RBBP4: variants seen among roughly 807,000 people sequenced by gnomAD.
RBBP4 encodes RB binding protein 4, chromatin remodeling factor.
A neutral mutation model predicts 57.2 loss-of-function variants in RBBP4; 3 were observed. The ratio of observed to expected loss-of-function variants is 0.05; its 90% CI spans 0.02 to 0.14. The LOEUF (loss-of-function observed/expected upper bound fraction) is 0.14, where lower values mean the gene tolerates loss of function less well. Ranked by LOEUF, RBBP4 falls within the 10% of genes least tolerant of loss-of-function variation. RBBP4 has a pLI of 1.00. For missense variants in RBBP4, 107 were observed against 520.6 expected (o/e 0.21, Z 7.73); for synonymous variants, 151 against 171.5 (o/e 0.88, Z 0.93).
chr1:32,671,167 T>C (rs181854413), intron 8 of RBBP4, among the ~76,000 whole-genome samples: 99 of 152,342 alleles, frequency 6.5e-4, no homozygotes, highest in African/African-American at 2.2e-3. Flanking sequence ...ATCAGACTTA[T>C]ATGTAATACA....
At position 32,683,662 on chromosome 1, in the gene RBBP4, C is replaced by A. The variant is rs1649602403; in HGVS notation, c.*3957C>A. 5.8e-6 allele frequency: 1 copy of A among 172,902 alleles called. No individual in the cohort carries two copies. Among genetic ancestry groups the A allele is most frequent in the South Asian group, 1.7e-4 (1 of 6,060 alleles). 10.7% of individuals were successfully genotyped at this position (172,902 alleles called of 1,614,324 possible). A position where few individuals can be genotyped will look rare whatever the true frequency, so the allele number is the denominator to read the frequency against. ...GGTTTTTGTTTTGTTTTGAGGCAGTCTCACTCTGTTGTACAAGCTGGAGTG... is the reference window on the plus strand; with the variant it reads ...GGTTTTTGTTTTGTTTTGAGGCAGTATCACTCTGTTGTACAAGCTGGAGTG... On this transcript the variant is annotated 3_prime_UTR_variant, in exon 12 of 12. Transcript: ENST00000373493.
intron 1 of RBBP4, 29 bp downstream of exon 1, chr1:32,651,351 G>A: frequency 6.9e-7 from 1 of 1,440,138 alleles, no homozygotes; most frequent in Non-Finnish European, 9.1e-7. Flanking sequence ...ACCCAGGAGG[G>A]CAGTGGGTGC....
At position 32,683,990 on chromosome 1, in the gene RBBP4, C is replaced by A; in HGVS notation, c.*4285C>A. On this transcript the variant is annotated 3_prime_UTR_variant, in exon 12 of 12. Coordinates refer to ENST00000373493, the MANE Select transcript of RBBP4 (RefSeq NM_005610.3). ...AAGCAGTAACAATGCAAACACCACT[C>A]TTCTCTTCACAAAGATCACCTTGAG... 2 of 1,596,560 alleles carry A rather than the reference C, an allele frequency of 1.3e-6. No individual in the cohort carries two copies. The highest frequency in any genetic ancestry group is 8.6e-7 in the Non-Finnish European group (1 of 1,165,296).
intron 8 of RBBP4, among the ~76,000 whole-genome samples, chr1:32,671,682 G>A (rs905237129): frequency 1.8e-5 from 2 of 113,920 alleles, no homozygotes; most frequent in East Asian, 5.4e-4. Flanking sequence ...GCAATATAGC[G>A]AGGCCTCATC....
chr1:32,666,352 T>A (rs1458021829), intron 3 of RBBP4, among the ~76,000 whole-genome samples: 1 of 127,966 alleles, frequency 7.8e-6, no homozygotes, highest in African/African-American at 2.7e-5. Flanking sequence ...CTTTGAAATT[T>A]GAAAACTTTA....
chr1:32,657,614 A>G (rs773672810), intron 3 of RBBP4, 42 bp downstream of exon 3: 1 of 1,592,918 alleles, frequency 6.3e-7, no homozygotes, highest in Non-Finnish European at 8.6e-7. Flanking sequence ...TGTGTGGGTC[A>G]TATCTGTTAT....
Position 32,669,936 on chromosome 1 carries a change from A to G in RBBP4, c.966+373A>G, listed in dbSNP as rs764753297. Among the ~76,000 whole-genome samples, 3 of 152,210 alleles carry G rather than the reference A, an allele frequency of 2.0e-5. No homozygotes were observed. The highest frequency in any genetic ancestry group is 6.5e-5 in the Admixed American group (1 of 15,276). ...AACCTGGATGTATGAGTGGGCACAC[A>G]TGTGCTTTATGCCGTTGCTAAAAAT... On this transcript the variant is annotated intron_variant, in intron 8 of 11. Coordinates refer to ENST00000373493, the MANE Select transcript of RBBP4 (RefSeq NM_005610.3). The surrounding 1 kb of genome is among the most constrained non-coding windows in gnomAD (Gnocchi z 4.9).
rs1332447365 is a variant in RBBP4, at chr1:32,681,753, T to C, written c.*2048T>C. On this transcript the variant is annotated 3_prime_UTR_variant, in exon 12 of 12. Coordinates refer to ENST00000373493, the MANE Select transcript of RBBP4 (RefSeq NM_005610.3). ...GAATTGCTTGCCAAGTTTCTGGCAC[T>C]CTTGTCTGGTTGGAAGAGTACATCC... is the stretch of plus-strand genomic sequence containing the variant. 6.2e-7 allele frequency: 1 copy of C among 1,605,900 alleles called. No homozygotes were observed. Among genetic ancestry groups the C allele is most frequent in the East Asian group, 2.2e-5 (1 of 44,832 alleles).
chr1:32,682,008 C>T lies in RBBP4; in HGVS notation c.*2303C>T. 1 of 675,046 alleles carries T rather than the reference C, an allele frequency of 1.5e-6. No individual in the cohort carries two copies. Among genetic ancestry groups the T allele is most frequent in the Non-Finnish European group, 2.6e-6 (1 of 383,766 alleles). The allele number at this position is 675,046 out of a possible 1,614,324, so 41.8% of individuals were successfully genotyped here. On this transcript the variant is annotated 3_prime_UTR_variant, in exon 12 of 12. Coordinates refer to ENST00000373493, the MANE Select transcript of RBBP4 (RefSeq NM_005610.3). ...AAATATTTGGATGCCTCCTGTTTGT[C>T]AAATAGAATGAATGGTGATGGTGAT...
chr1:32,665,007 C>T (rs774392639), intron 3 of RBBP4, among the ~76,000 whole-genome samples: 1 of 152,110 alleles, frequency 6.6e-6, no homozygotes, highest in Non-Finnish European at 1.5e-5. Flanking sequence ...GACACAGAGG[C>T]ACCAACTGAA....
intron 11 of RBBP4, among the ~76,000 whole-genome samples, chr1:32,673,731 T>C (rs1648974682): frequency 6.6e-6 from 1 of 152,086 alleles, no homozygotes; most frequent in African/African-American, 2.4e-5. Context: ...CCACCGCGCC[T>C]GGCCTCTTAA....
At chr1:32,671,567 TTC>T (rs1648876417) in intron 8 of RBBP4, among the ~76,000 whole-genome samples, 1 of 151,886 alleles carries the variant, frequency 6.6e-6, no homozygotes, top group Non-Finnish European at 1.5e-5. Flanking sequence ...GATGTGATGT[TTC>T]CAAAGATAAA....
intron 8 of RBBP4, among the ~76,000 whole-genome samples, chr1:32,671,612 T>A (rs957661204): frequency 6.6e-6 from 1 of 151,824 alleles, no homozygotes; most frequent in Non-Finnish European, 1.5e-5. Flanking sequence ...CACCTCCAGC[T>A]ACGCAGGAGG....
At chr1:32,668,157 T>C (rs1326959662) in intron 3 of RBBP4, 68 bp from the exon 4 acceptor site, 2 of 1,434,704 alleles carry the variant, frequency 1.4e-6, no homozygotes, top group Non-Finnish European at 1.9e-6. Flanking sequence ...TTTCCTGTGT[T>C]CTTATACTCT....
At chr1:32,668,060 C>CG (rs1321795046) in intron 3 of RBBP4, among the ~76,000 whole-genome samples, 165 bp from the exon 4 acceptor site, 2 of 151,314 alleles carry the variant, frequency 1.3e-5, no homozygotes, top group African/African-American at 2.4e-5. Context: ...CCTGGAGTCA[C>CG]GGGGGTAGGA....
Position 32,679,619 on chromosome 1 carries a change from C to A in RBBP4, c.1213-21C>A, listed in dbSNP as rs779467555. 72 of 1,555,336 alleles carry A rather than the reference C, an allele frequency of 4.6e-5. No individual in the cohort carries two copies. In the South Asian group the frequency reaches 6.6e-4, roughly 14 times the overall value. ...TAGAAGAAGTCTTCATGTTTAAATTCTTTTTCTTGTTTTTGGGCAGGCAGA... is the reference window on the plus strand; with the variant it reads ...TAGAAGAAGTCTTCATGTTTAAATTATTTTTCTTGTTTTTGGGCAGGCAGA... On this transcript the variant is annotated intron_variant, in intron 11 of 11. Coordinates refer to ENST00000373493, the MANE Select transcript of RBBP4 (RefSeq NM_005610.3).
rs772190688 is a variant in RBBP4, at chr1:32,681,900, T to C, written c.*2195T>C. On this transcript the variant is annotated 3_prime_UTR_variant, in exon 12 of 12. Transcript: ENST00000373493. ...GAAAAAGTTTATAACAGTGAACTTC[T>C]GAGGTTTAGTTACTGCAGGCTTTGT... 1 of 1,566,748 alleles carries C rather than the reference T, an allele frequency of 6.4e-7. No individual in the cohort carries two copies. Among genetic ancestry groups the C allele is most frequent in the Admixed American group, 1.7e-5 (1 of 59,928 alleles).
In RBBP4 at chr1:32,669,285, C is replaced by T. The variant is rs763229529; in HGVS notation, c.816C>T (p.His272=). Residue 272 remains histidine, a synonymous_variant, in exon 7 of 12, where the codon CAC becomes CAT. Transcript: ENST00000373493. The surrounding 1 kb of genome is among the most constrained non-coding windows in gnomAD (Gnocchi z 4.9). ...AACCAAGCCACTCAGTTGATGCTCACACTGCTGAAGTGAACTGCCTTTCTT... is the reference window on the plus strand; with the variant it reads ...AACCAAGCCACTCAGTTGATGCTCATACTGCTGAAGTGAACTGCCTTTCTT... ...TSKPSHSVDA[H]TAEVNCLSFN... 2.5e-6 allele frequency: 4 copies of T among 1,612,784 alleles called. No homozygotes were observed. The highest frequency in any genetic ancestry group is 2.5e-6 in the Non-Finnish European group (3 of 1,180,008).
chr1:32,651,643 C>A, intron 1 of RBBP4: 1 of 754,084 alleles, frequency 1.3e-6, no homozygotes, highest in Non-Finnish European at 2.0e-6. Context: ...CTCGGGCCTC[C>A]TCGTCGGGCT....
Sources: allele counts gnomAD v4.1 joint callset (sites outside exome capture counted in the v4.1 genomes callset), GRCh38; gene constraint gnomAD v4.1.1; non-coding constraint Gnocchi (gnomAD v3.1); transcripts MANE v1.5; gene names NCBI Gene and HGNC (gene_info 2026-07-23, HGNC 2026-07-21).